Variants in ELOVL5 observed in about 807,000 individuals in gnomAD.
The protein encoded by ELOVL5 is ELOVL fatty acid elongase 5, also known as very long chain fatty acid elongase 5.
Under a neutral mutation model 38.6 loss-of-function variants are expected in ELOVL5, and 8 were observed. That is an observed-to-expected ratio of 0.21 (90% confidence interval 0.12 to 0.37). The LOEUF is 0.37. ELOVL5 is among the 10% of genes least tolerant of loss of function. ELOVL5 has a pLI of 1.00. For synonymous variants in ELOVL5, 127 were observed against 133.7 expected (o/e 0.95, Z 0.34); for missense variants, 280 against 367.8 (o/e 0.76, Z 1.95).
chr6:53,330,820 C>CT (rs1768767350), intron 1 of ELOVL5, among the ~76,000 whole-genome samples: 1 of 151,914 alleles, frequency 6.6e-6, no homozygotes, highest in African/African-American at 2.4e-5. Context: ...TCTTTTAAAA[C>CT]TTTTTTTTTC....
chr6:53,346,609 A>C (rs574503400), intron 1 of ELOVL5, among the ~76,000 whole-genome samples: 1 of 152,318 alleles, frequency 6.6e-6, no homozygotes, highest in South Asian at 2.1e-4. Flanking sequence ...TTAAAAAAAA[A>C]AATTACAAAA....
chr6:53,278,587 TTTAG>T (rs1441156658), intron 3 of ELOVL5, among the ~76,000 whole-genome samples: 4 of 152,074 alleles, frequency 2.6e-5, no homozygotes, highest in South Asian at 2.1e-4. Context: ...GTCTTTGGAG[TTTAG>T]TTAAAGAACT....
At chr6:53,280,735 G>A (rs987880011) in intron 3 of ELOVL5, among the ~76,000 whole-genome samples, 4 of 152,244 alleles carry the variant, frequency 2.6e-5, no homozygotes, top group East Asian at 1.9e-4. Flanking sequence ...TGAGACTACA[G>A]GTGCACGCTG....
At chr6:53,315,958 A>G (rs1416180463) in intron 1 of ELOVL5, among the ~76,000 whole-genome samples, 1 of 152,230 alleles carries the variant, frequency 6.6e-6, no homozygotes, top group Non-Finnish European at 1.5e-5. Context: ...GTAATAGCAT[A>G]CACTGTAATA....
chr6:53,320,633 A>G (rs1317379226), intron 1 of ELOVL5, among the ~76,000 whole-genome samples: 1 of 152,010 alleles, frequency 6.6e-6, no homozygotes, highest in African/African-American at 2.4e-5. Context: ...AAAACCCCAC[A>G]TTTCTTAACT....
At chr6:53,304,851 C>T (rs1386428260) in intron 1 of ELOVL5, among the ~76,000 whole-genome samples, 1 of 152,204 alleles carries the variant, frequency 6.6e-6, no homozygotes, top group Non-Finnish European at 1.5e-5. Context: ...AGCAACCAAC[C>T]GATTTCTCAA....
At chr6:53,335,483 G>A (rs768573575) in intron 1 of ELOVL5, among the ~76,000 whole-genome samples, 4 of 152,082 alleles carry the variant, frequency 2.6e-5, no homozygotes, top group African/African-American at 9.7e-5. Context: ...TCTAGGCAAC[G>A]TTTCCTCATC....
rs1372376627 is a variant in ELOVL5 at position 53,348,844 on chromosome 6, T to A, written c.-36A>T. The A allele has an allele frequency of 2.2e-6, 1 of 458,254 alleles. No individual in the cohort carries two copies. The highest frequency in any genetic ancestry group is 7.0e-5 in the East Asian group (1 of 14,290). The allele number at this position is 458,254 out of a possible 1,614,324, so 28.4% of individuals were successfully genotyped here. A position where few individuals can be genotyped will look rare whatever the true frequency, so the allele number is the denominator to read the frequency against. ...TTTAGCCCAAGGGGCGGCAGCAGCT[T>A]TGAGCAGCAGCAAGGCGGCGGCGGC... On this transcript the variant is annotated 5_prime_UTR_variant, in exon 1 of 8. Transcript: ENST00000304434.
intron 3 of ELOVL5, among the ~76,000 whole-genome samples, chr6:53,283,184 C>T (rs1358879672): frequency 2.0e-5 from 3 of 152,194 alleles, no homozygotes; most frequent in Non-Finnish European, 4.4e-5. Context: ...GTATAAAACA[C>T]AGCAAAAACT....
At chr6:53,332,043 C>T (rs1225617753) in intron 1 of ELOVL5, among the ~76,000 whole-genome samples, 1 of 152,170 alleles carries the variant, frequency 6.6e-6, no homozygotes, top group Non-Finnish European at 1.5e-5. Context: ...CCAGATCTCA[C>T]ATTGAACTCT....
At chr6:53,315,983 C>A (rs1768019327) in intron 1 of ELOVL5, among the ~76,000 whole-genome samples, 1 of 152,182 alleles carries the variant, frequency 6.6e-6, no homozygotes, top group Non-Finnish European at 1.5e-5. Context: ...CTTGGGCAAG[C>A]TGCTAAAACT....
Position 53,323,321 on chromosome 6 carries a change from T to C in ELOVL5, c.-9+25496A>G, listed in dbSNP as rs187958151. On this transcript the variant is annotated intron_variant, in intron 1 of 7. Transcript: ENST00000304434. ...AAAATATAGAATGTCAGTGAGTCAA[T>C]GGTTACATTAATTACAACGTTTATG... 1.7e-3 allele frequency among the ~76,000 whole-genome samples: 259 copies of C among 152,310 alleles called. 2 individuals are homozygous for C. Among genetic ancestry groups the C allele is most frequent in the African/African-American group, 6.0e-3 (248 of 41,578 alleles).
intron 1 of ELOVL5, among the ~76,000 whole-genome samples, chr6:53,334,214 A>G (rs915723131): frequency 4.6e-5 from 7 of 152,112 alleles, no homozygotes; most frequent in Non-Finnish European, 1.0e-4. Context: ...CCCCTTTTCC[A>G]GCACAAGCCA....
At chr6:53,290,685 A>T (rs1766741241) in intron 3 of ELOVL5, 1 of 152,592 alleles carries the variant, frequency 6.6e-6, no homozygotes, top group African/African-American at 2.4e-5. Context: ...CAAGACACAG[A>T]TATCCCACAG....
At chr6:53,273,635 C>G (rs772224699) in intron 5 of ELOVL5, among the ~76,000 whole-genome samples, 1 of 152,238 alleles carries the variant, frequency 6.6e-6, no homozygotes, top group Non-Finnish European at 1.5e-5. Flanking sequence ...GGCTTTGCTG[C>G]AGATGCCCAC....
chr6:53,283,937 G>A (rs1284980723), intron 3 of ELOVL5, among the ~76,000 whole-genome samples: 1 of 150,972 alleles, frequency 6.6e-6, no homozygotes, highest in East Asian at 1.9e-4. Flanking sequence ...AAAAAGGAAA[G>A]AATAAATTTC....
At chr6:53,305,050 G>T (rs1767431737) in intron 1 of ELOVL5, among the ~76,000 whole-genome samples, 7 of 148,680 alleles carry the variant, frequency 4.7e-5, no homozygotes, top group Admixed American at 6.6e-5. Context: ...TGGCCGGGCG[G>T]GGGGCTGACC....
rs145919724 is a variant in ELOVL5, at chr6:53,280,205, G to T, written c.247-3949C>A. On this transcript the variant is annotated intron_variant, in intron 3 of 7. Coordinates refer to ENST00000304434, the MANE Select transcript of ELOVL5 (RefSeq NM_021814.5). ...TAGGGGCAGGTGTCTGTCTACCTTG[G>T]GCTTCTGAGAATCAGATCGAAAGAG... is the stretch of plus-strand genomic sequence containing the variant. Among the ~76,000 whole-genome samples, 271 of 152,266 alleles carry T rather than the reference G, an allele frequency of 1.8e-3. 1 individual carries two copies. Among genetic ancestry groups the T allele is most frequent in the African/African-American group, 6.3e-3 (262 of 41,552 alleles).
chr6:53,347,803 C>A (rs1769626050), intron 1 of ELOVL5, among the ~76,000 whole-genome samples: 1 of 151,946 alleles, frequency 6.6e-6, no homozygotes, highest in Non-Finnish European at 1.5e-5. Context: ...GAGCTTAATT[C>A]ACAATTGTGG....
Sources: gnomAD v4.1 joint callset for allele counts (sites outside exome capture counted in the v4.1 genomes callset) on GRCh38, gnomAD v4.1.1 for gene constraint, MANE v1.5 for transcripts, NCBI Gene and HGNC (gene_info 2026-07-23, HGNC 2026-07-21) for gene names.